GTF2F2: variants seen among roughly 807,000 people sequenced by gnomAD.
GTF2F2 encodes the protein ATP-dependent helicase GTF2F2.
A neutral mutation model predicts 42.2 loss-of-function variants in GTF2F2; 23 were observed. The observed-to-expected ratio is 0.55, with a 90% CI of 0.39 to 0.77. The LOEUF (loss-of-function observed/expected upper bound fraction) is 0.77. GTF2F2 is among the 30% of genes least tolerant of loss of function. GTF2F2 has a pLI of 0.00. For missense variants in GTF2F2, 261 were observed against 287.2 expected (o/e 0.91, Z 0.66); for synonymous variants, 105 against 100.8 (o/e 1.04, Z -0.25).
intron 7 of GTF2F2, among the ~76,000 whole-genome samples, chr13:45,282,112 C>T (rs1370362999): frequency 6.6e-6 from 1 of 152,100 alleles, no homozygotes; most frequent in Non-Finnish European, 1.5e-5. Flanking sequence ...GCAGGAGAAT[C>T]GCTTGAACCT....
chr13:45,256,601 T>C (rs1045816317), intron 6 of GTF2F2, among the ~76,000 whole-genome samples: 1 of 152,142 alleles, frequency 6.6e-6, no homozygotes, highest in African/African-American at 2.4e-5. Flanking sequence ...TTATTTCTTT[T>C]GGGAGTAAAC....
At position 45,254,293 on chromosome 13, in the gene GTF2F2, G is replaced by A. The variant is rs1038008442; in HGVS notation, c.486+1323G>A. On this transcript the variant is annotated intron_variant, in intron 6 of 7. Transcript: ENST00000340473. The stretch of plus-strand genomic sequence containing the variant: ...TATAGGAAAAACCATAATATATAGA[G>A]TTTGGTACTATCCACAATTTCAGGC... Among the ~76,000 whole-genome samples the A allele has an allele frequency of 1.5e-4, 23 of 152,286 alleles. No homozygotes were observed. The South Asian group carries it at 2.3e-3, about 15-fold the overall frequency.
At chr13:45,208,205 T>C (rs1873495431) in intron 5 of GTF2F2, among the ~76,000 whole-genome samples, 1 of 152,224 alleles carries the variant, frequency 6.6e-6, no homozygotes, top group Admixed American at 6.5e-5. Context: ...ATAGAGAAAT[T>C]TTTATAAACA....
At chr13:45,278,732 C>A (rs763038425) in intron 7 of GTF2F2, among the ~76,000 whole-genome samples, 1 of 151,668 alleles carries the variant, frequency 6.6e-6, no homozygotes, top group Non-Finnish European at 1.5e-5. Context: ...TGTTAGGTGC[C>A]CCCTTCTCAG....
At chr13:45,238,500 G>A (rs1312838787) in intron 5 of GTF2F2, among the ~76,000 whole-genome samples, 3 of 152,094 alleles carry the variant, frequency 2.0e-5, no homozygotes, top group Non-Finnish European at 2.9e-5. Context: ...TCTATCACAT[G>A]CTGTCCCTTA....
intron 2 of GTF2F2, among the ~76,000 whole-genome samples, chr13:45,141,376 C>T (rs530602526): frequency 6.6e-6 from 1 of 152,218 alleles, no homozygotes; most frequent in African/African-American, 2.4e-5. Flanking sequence ...GCAGATGGTC[C>T]ACATAGTTGC....
intron 5 of GTF2F2, among the ~76,000 whole-genome samples, chr13:45,225,232 C>T (rs959709171): frequency 9.9e-5 from 15 of 152,144 alleles, no homozygotes; most frequent in Admixed American, 5.9e-4. Flanking sequence ...GTACAACTTT[C>T]GGATAATATA....
At chr13:45,161,767 C>G (rs1281985868) in intron 4 of GTF2F2, among the ~76,000 whole-genome samples, 1 of 152,128 alleles carries the variant, frequency 6.6e-6, no homozygotes, top group East Asian at 1.9e-4. Context: ...CACTTGAACC[C>G]AGGAGGCAGA....
Position 45,174,693 on chromosome 13 carries a change from A to G in GTF2F2, c.304+22862A>G, listed in dbSNP as rs1193394674. Among the ~76,000 whole-genome samples, 8 of 140,112 alleles carry G rather than the reference A, an allele frequency of 5.7e-5. No homozygotes were observed. In the East Asian group the frequency reaches 1.6e-3, roughly 29 times the overall value. The allele number at this position is 140,112 out of a possible 152,430, so 91.9% of individuals were successfully genotyped here. On this transcript the variant is annotated intron_variant, in intron 4 of 7. Coordinates refer to ENST00000340473, the MANE Select transcript of GTF2F2 (RefSeq NM_004128.3). Reference sequence around the variant, plus strand: ...TTTATTACTTACAGGTCCTGGATACATGACATACCTGGAAGCCATACACAG... The same window carrying G: ...TTTATTACTTACAGGTCCTGGATACGTGACATACCTGGAAGCCATACACAG...
At chr13:45,253,940 G>C (rs1875983065) in intron 6 of GTF2F2, among the ~76,000 whole-genome samples, 1 of 152,066 alleles carries the variant, frequency 6.6e-6, no homozygotes, top group Admixed American at 6.5e-5. Flanking sequence ...GGGCATGGCG[G>C]TGTGTGCCTG....
chr13:45,274,488 A>G (rs1290576304), intron 7 of GTF2F2, among the ~76,000 whole-genome samples: 8 of 151,896 alleles, frequency 5.3e-5, no homozygotes, highest in East Asian at 1.9e-4. Context: ...CACCACACCT[A>G]GCTAATTTTT....
intron 6 of GTF2F2, among the ~76,000 whole-genome samples, chr13:45,265,301 C>G (rs907789473): frequency 2.6e-5 from 4 of 151,966 alleles, no homozygotes; most frequent in African/African-American, 2.4e-5. Flanking sequence ...TCAGTCTTCC[C>G]TAACAATACA....
At chr13:45,251,901 A>G (rs911378719) in intron 5 of GTF2F2, among the ~76,000 whole-genome samples, 1 of 152,222 alleles carries the variant, frequency 6.6e-6, no homozygotes, top group African/African-American at 2.4e-5. Context: ...TAACTTTTGC[A>G]TCATTAAAAA....
chr13:45,245,708 C>CAT (rs1230450097), intron 5 of GTF2F2, among the ~76,000 whole-genome samples: 3 of 66,026 alleles, frequency 4.5e-5, no homozygotes, highest in Admixed American at 3.8e-4. Context: ...TATACATATA[C>CAT]ATACACACAC....
Position 45,245,424 on chromosome 13 carries a change from G to GTA in GTF2F2, c.387-7444_387-7443dup, listed in dbSNP as rs1875535789. Among the ~76,000 whole-genome samples the GTA allele has an allele frequency of 2.0e-5, 3 of 151,984 alleles. No individual in the cohort carries two copies. In the South Asian group the frequency reaches 6.2e-4, roughly 32 times the overall value. Reference sequence around the variant, plus strand: ...CCAAATAGTGTACACTGTACCCAATGTATAGTCTTTACGCCTCATCCTCCC... The same window carrying GTA: ...CCAAATAGTGTACACTGTACCCAATGTATATAGTCTTTACGCCTCATCCTCCC... On this transcript the variant is annotated intron_variant, in intron 5 of 7. Coordinates refer to ENST00000340473, the MANE Select transcript of GTF2F2 (RefSeq NM_004128.3).
chr13:45,168,779 G>GCTTCCTTCCTTC lies in GTF2F2; in HGVS notation c.304+16986_304+16997dup, dbSNP rs368098791. Among the ~76,000 whole-genome samples, 406 of 125,612 alleles carry GCTTCCTTCCTTC rather than the reference G, an allele frequency of 3.2e-3. 7 individuals are homozygous for GCTTCCTTCCTTC. The highest frequency in any genetic ancestry group is 0.018 in the Middle Eastern group (4 of 226). 82.4% of individuals were successfully genotyped at this position (125,612 alleles called of 152,430 possible). A position where few individuals can be genotyped will look rare whatever the true frequency, so the allele number is the denominator to read the frequency against. ...AAGTGTGTGCCACCACACCTGGCTG[G>GCTTCCTTCCTTC]CTTCCTTCCTTCCTTCCTTCCTTCC... On this transcript the variant is annotated intron_variant, in intron 4 of 7. Transcript: ENST00000340473.
chr13:45,214,404 G>T (rs1873809377), intron 5 of GTF2F2, among the ~76,000 whole-genome samples: 1 of 152,064 alleles, frequency 6.6e-6, no homozygotes, highest in Admixed American at 6.6e-5. Context: ...AGAAGGAAAT[G>T]ATTTCTTTCA....
intron 4 of GTF2F2, among the ~76,000 whole-genome samples, chr13:45,154,125 C>T (rs1232733137): frequency 1.3e-5 from 2 of 151,898 alleles, no homozygotes; most frequent in Non-Finnish European, 2.9e-5. Context: ...AGGCATGGCA[C>T]CAAGACAGTA....
rs542938239 is a variant in GTF2F2 at position 45,173,367 on chromosome 13, A to G, written c.304+21536A>G. Among the ~76,000 whole-genome samples, 608 of 95,114 alleles carry G rather than the reference A, an allele frequency of 6.4e-3. 8 individuals carry two copies. Among genetic ancestry groups the G allele is most frequent in the African/African-American group, 0.024 (585 of 24,396 alleles). The allele number at this position is 95,114 out of a possible 152,430, so 62.4% of individuals were successfully genotyped here. A position where few individuals can be genotyped will look rare whatever the true frequency, so the allele number is the denominator to read the frequency against. The stretch of plus-strand genomic sequence containing the variant: ...GATTTCCCTAGTTTTACTTGTACTT[A>G]ACTGTGTGTGTGTGTGTGTGTGTGT... On this transcript the variant is annotated intron_variant, in intron 4 of 7. Coordinates refer to ENST00000340473, the MANE Select transcript of GTF2F2 (RefSeq NM_004128.3).
Sources: gnomAD v4.1 joint callset for allele counts (sites outside exome capture counted in the v4.1 genomes callset) on GRCh38, gnomAD v4.1.1 for gene constraint, MANE v1.5 for transcripts, NCBI Gene and HGNC (gene_info 2026-07-23, HGNC 2026-07-21) for gene names.